The following DNAH9 variants were observed in gnomAD, a reference collection of about 807,000 sequenced individuals.
DNAH9 encodes DNAH9 variant protein.
A neutral mutation model predicts 471.6 loss-of-function variants in DNAH9; 345 were observed. The observed-to-expected ratio is 0.73, with a 90% confidence interval of 0.67 to 0.80. The LOEUF is 0.80. Among genes scored for constraint, DNAH9 ranks in the 30% least tolerant of loss-of-function variants. The probability of loss-of-function intolerance (pLI) is 0.00; values close to 1 mark genes in which losing one functional copy is unlikely to be tolerated. For missense variants in DNAH9, 5,407 were observed against 5,609.2 expected, an observed-to-expected ratio of 0.96 and a Z score of 1.15; for synonymous variants, 2,093 against 2,123.6, an observed-to-expected ratio of 0.99 and a Z score of 0.40.
chr17:11,752,302 G>A (rs1203152828), intron 32 of DNAH9, among the ~76,000 whole-genome samples: 1 of 152,208 alleles, frequency 6.6e-6, no homozygotes, highest in African/African-American at 2.4e-5. Flanking sequence ...GTTTCATCAT[G>A]TCATAGTTAC....
chr17:11,950,395 C>CT (rs1327050343), intron 67 of DNAH9, among the ~76,000 whole-genome samples: 1 of 152,106 alleles, frequency 6.6e-6, no homozygotes, highest in Non-Finnish European at 1.5e-5. Context: ...ATATTTTAAA[C>CT]TTTTTTGTTT....
rs889447958 is a variant in DNAH9, at chr17:11,917,693, A to G, written c.11750-6121A>G. ...TGCCTCCTTGGGTTACTGTGAAGAT[A>G]AAAACAAAATGTCAGATGTGAAAAG... On this transcript the variant is annotated intron_variant, in intron 61 of 68. Transcript: ENST00000262442. Among the ~76,000 whole-genome samples the G allele has an allele frequency of 3.3e-5, 5 of 152,222 alleles. No individual in the cohort carries two copies. The South Asian group carries it at 1.0e-3, about 32-fold the overall frequency.
chr17:11,646,973 A>G, intron 11 of DNAH9, 99 bp from the exon 12 acceptor site: 1 of 1,271,348 alleles, frequency 7.9e-7, no homozygotes, highest in Admixed American at 2.3e-5. Context: ...GGTTGGGTCA[A>G]TGACTAGTAG....
chr17:11,941,882 GGATATA>G (rs1974930662), intron 66 of DNAH9, among the ~76,000 whole-genome samples: 2 of 151,644 alleles, frequency 1.3e-5, no homozygotes, highest in Non-Finnish European at 2.9e-5. Context: ...TACTGTATCT[GGATATA>G]GATAGATAGA....
At chr17:11,664,998 T>C (rs752883787) in intron 15 of DNAH9, 30 bp downstream of exon 15, 1 of 1,592,350 alleles carries the variant, frequency 6.3e-7, no homozygotes, top group Non-Finnish European at 8.6e-7. Context: ...TGTGGGTTAT[T>C]ATTGGAAAGA....
At chr17:11,774,282 A>AT (rs1267434796) in intron 38 of DNAH9, among the ~76,000 whole-genome samples, 6 of 152,254 alleles carry the variant, frequency 3.9e-5, no homozygotes, top group African/African-American at 1.4e-4. Context: ...ATATGTAGCC[A>AT]TAAAATACAT....
intron 61 of DNAH9, among the ~76,000 whole-genome samples, chr17:11,912,144 A>C (rs998211293): frequency 2.0e-5 from 3 of 152,056 alleles, no homozygotes; most frequent in Admixed American, 1.3e-4. Flanking sequence ...CAGCCTCCCG[A>C]GTAGCTGGAA....
At chr17:11,860,372 T>C (rs973698889) in intron 50 of DNAH9, among the ~76,000 whole-genome samples, 9 of 152,244 alleles carry the variant, frequency 5.9e-5, no homozygotes, top group Non-Finnish European at 7.3e-5. Context: ...CTGCTTTGGC[T>C]CATTCTCAGA....
chr17:11,825,195 T>C (rs977535107), intron 48 of DNAH9, among the ~76,000 whole-genome samples: 1 of 152,110 alleles, frequency 6.6e-6, no homozygotes, highest in South Asian at 2.1e-4. Context: ...AAAGGTAACA[T>C]CTTTTCTCCT....
At chr17:11,718,077 A>G (rs1405817075) in intron 26 of DNAH9, among the ~76,000 whole-genome samples, 1 of 150,844 alleles carries the variant, frequency 6.6e-6, no homozygotes, top group Non-Finnish European at 1.5e-5. Context: ...GGGTTTTGCT[A>G]TGTTGCCCAG....
intron 49 of DNAH9, among the ~76,000 whole-genome samples, chr17:11,852,473 T>C (rs112001114): frequency 3.3e-5 from 5 of 152,144 alleles, no homozygotes; most frequent in African/African-American, 1.2e-4. Flanking sequence ...CGGATCCCCT[T>C]GTGGCTCTTG....
chr17:11,937,233 A>G lies in DNAH9; in HGVS notation c.12490-119A>G. 1.6e-6 allele frequency: 2 copies of G among 1,222,430 alleles called. No individual in the cohort carries two copies. Among genetic ancestry groups the G allele is most frequent in the Middle Eastern group, 2.2e-4 (1 of 4,640 alleles). 75.7% of individuals were successfully genotyped at this position (1,222,430 alleles called of 1,614,324 possible). On this transcript the variant is annotated intron_variant, in intron 65 of 68. Transcript: ENST00000262442. This position sits in a 1 kb window ranked among gnomAD's most constrained non-coding sequence, Gnocchi z 4.1. ...GTGATGAAGTCAACCAGGGATGGTG[A>G]GCAGTGTCCCCTGGAGGAGGGATAC...
chr17:11,891,801 G>A lies in DNAH9; in HGVS notation c.11137G>A (p.Ala3713Thr), dbSNP rs761340181. The A allele has an allele frequency of 1.9e-6, 3 of 1,614,076 alleles. No homozygotes were observed. Among genetic ancestry groups the A allele is most frequent in the Middle Eastern group, 1.6e-4 (1 of 6,062 alleles). The change falls in exon 58 of 69, where the codon GCT becomes ACT. Residue 3713 changes from alanine (A) to threonine (T), a missense_variant. Ala to Thr is a moderately conservative substitution (Grantham distance 58). Transcript: ENST00000262442. ...LKAFSIVFQKAVERAAPDESL... is the reference protein window; with the variant it reads ...LKAFSIVFQKTVERAAPDESL... ...GGCCTTCAGTATCGTCTTCCAGAAGGCTGTGGAGAGGGCTGCTCCTGACGA... is the reference window on the plus strand; with the variant it reads ...GGCCTTCAGTATCGTCTTCCAGAAGACTGTGGAGAGGGCTGCTCCTGACGA...
At chr17:11,704,969 C>T (rs1173997496) in intron 25 of DNAH9, 56 bp from the exon 26 acceptor site, 3 of 1,495,770 alleles carry the variant, frequency 2.0e-6, no homozygotes, top group Non-Finnish European at 2.8e-6. Context: ...GTCTTGTGGC[C>T]AAGGGACTAC....
intron 65 of DNAH9, among the ~76,000 whole-genome samples, chr17:11,934,592 C>T (rs1024367935): frequency 5.3e-5 from 8 of 151,332 alleles, no homozygotes; most frequent in South Asian, 2.1e-4. Flanking sequence ...ACTACAGGCG[C>T]CCGCCACCAA....
intron 33 of DNAH9, among the ~76,000 whole-genome samples, chr17:11,753,770 G>C (rs1967256926): frequency 6.6e-6 from 1 of 152,182 alleles, no homozygotes; most frequent in South Asian, 2.1e-4. Flanking sequence ...TTACAGGATT[G>C]TTAGAATAAA....
intron 59 of DNAH9, among the ~76,000 whole-genome samples, chr17:11,897,029 G>A (rs1973242278): frequency 6.6e-6 from 1 of 152,218 alleles, no homozygotes; most frequent in South Asian, 2.1e-4. Flanking sequence ...GGTGGAGGTT[G>A]AAGACAGCTG....
chr17:11,816,922 G>T (rs942754286), intron 45 of DNAH9, among the ~76,000 whole-genome samples: 1 of 152,116 alleles, frequency 6.6e-6, no homozygotes, highest in Non-Finnish European at 1.5e-5. Flanking sequence ...AGCCGGGTGT[G>T]GTGGCAGGCA....
chr17:11,670,802 C>T (rs1416305942), intron 17 of DNAH9, among the ~76,000 whole-genome samples: 1 of 151,818 alleles, frequency 6.6e-6, no homozygotes, highest in East Asian at 1.9e-4. Context: ...CTCCTGGGTT[C>T]AAGCGATTCT....
Sources: allele counts gnomAD v4.1 joint callset (sites outside exome capture counted in the v4.1 genomes callset), GRCh38; gene constraint gnomAD v4.1.1; non-coding constraint Gnocchi (gnomAD v3.1); transcripts MANE v1.5; gene names NCBI Gene and HGNC (gene_info 2026-07-23, HGNC 2026-07-21).